The following ATP2B2 variants were observed in gnomAD, a reference collection of about 807,000 sequenced individuals.
The protein encoded by ATP2B2 is plasma membrane calcium-transporting ATPase 2.
In ATP2B2, 15 loss-of-function variants were observed where a neutral mutation model predicts 120.0. The ratio of observed to expected loss-of-function variants is 0.12; its 90% confidence interval spans 0.08 to 0.19. ATP2B2 has a LOEUF of 0.19. Among genes scored for constraint, ATP2B2 ranks in the 10% least tolerant of loss-of-function variants. The pLI is 1.00. For missense variants in ATP2B2, 1,045 were observed against 1,719.8 expected, an observed-to-expected ratio of 0.61 and a Z score of 6.94; for synonymous variants, 694 against 700.3, an observed-to-expected ratio of 0.99 and a Z score of 0.14.
At chr3:10,338,111 A>C (rs1035952487) in intron 22 of ATP2B2, 65 bp downstream of exon 22, 12 of 1,601,274 alleles carry the variant, frequency 7.5e-6, no homozygotes, top group Non-Finnish European at 1.0e-5. Flanking sequence ...GCACAAGCAC[A>C]CTCACCTCCA....
At chr3:10,564,628 T>C (rs1294264828) in intron 2 of ATP2B2, among the ~76,000 whole-genome samples, 1 of 152,208 alleles carries the variant, frequency 6.6e-6, no homozygotes, top group Admixed American at 6.5e-5. Flanking sequence ...CCACTGTGAA[T>C]TGATTTTGTG....
intron 3 of ATP2B2, among the ~76,000 whole-genome samples, chr3:10,523,740 G>T (rs1057233783): frequency 6.6e-6 from 1 of 152,060 alleles, no homozygotes; most frequent in Non-Finnish European, 1.5e-5. Flanking sequence ...CCTGGATGTG[G>T]CTGGTAGCAG....
chr3:10,382,169 A>C (rs954032549), intron 8 of ATP2B2, among the ~76,000 whole-genome samples: 4 of 145,712 alleles, frequency 2.7e-5, no homozygotes, highest in African/African-American at 1.0e-4. Context: ...GGGAATATAG[A>C]TGTGTGCCAC....
intron 12 of ATP2B2, among the ~76,000 whole-genome samples, chr3:10,363,748 G>A (rs2060966479): frequency 6.6e-6 from 1 of 152,192 alleles, no homozygotes; most frequent in Non-Finnish European, 1.5e-5. Context: ...TGAGGATGTG[G>A]AGAAACAGGA....
At chr3:10,620,528 G>T (rs1386615840) in intron 1 of ATP2B2, among the ~76,000 whole-genome samples, 3 of 152,088 alleles carry the variant, frequency 2.0e-5, no homozygotes, top group African/African-American at 7.2e-5. Context: ...CTGGAAGGAC[G>T]GTGCAGCTCC....
chr3:10,397,824 C>T (rs1319639431), intron 5 of ATP2B2, among the ~76,000 whole-genome samples: 4 of 152,162 alleles, frequency 2.6e-5, no homozygotes, highest in South Asian at 2.1e-4. Flanking sequence ...CATAGACAGT[C>T]GGTGACGGGG....
At position 10,634,290 on chromosome 3, in the gene ATP2B2, G is replaced by A. The variant is rs142683477; in HGVS notation, c.-459-14329C>T. 3.0e-3 allele frequency among the ~76,000 whole-genome samples: 461 copies of A among 152,342 alleles called. 1 individual carries two copies. Among genetic ancestry groups the A allele is most frequent in the African/African-American group, 9.0e-3 (375 of 41,580 alleles). ...TCTGAGGCTACGTGACTTGTTTACG[G>A]CAATCTCACTGTCAGTTGGTGGCAG... On this transcript the variant is annotated intron_variant, in intron 1 of 21. Coordinates refer to the ATP2B2 transcript ENST00000646379.
intron 1 of ATP2B2, among the ~76,000 whole-genome samples, chr3:10,482,327 C>T (rs1443320795): frequency 1.3e-5 from 2 of 152,224 alleles, no homozygotes; most frequent in Admixed American, 1.3e-4. Flanking sequence ...CACTGGCACC[C>T]AGCTCTACCA....
At chr3:10,674,828 A>C (rs2071203114) in intron 1 of ATP2B2, among the ~76,000 whole-genome samples, 1 of 152,222 alleles carries the variant, frequency 6.6e-6, no homozygotes, top group African/African-American at 2.4e-5. Flanking sequence ...CATCCCAGCC[A>C]GGAAAGTCAA....
intron 1 of ATP2B2, among the ~76,000 whole-genome samples, chr3:10,685,896 A>C (rs999273604): frequency 6.6e-6 from 1 of 152,172 alleles, no homozygotes; most frequent in Non-Finnish European, 1.5e-5. Context: ...TTTACGTGAC[A>C]TCTGTGACCA....
chr3:10,449,971 C>T, intron 1 of ATP2B2, 109 bp from the exon 2 acceptor site: 1 of 322,578 alleles, frequency 3.1e-6, no homozygotes, highest in Non-Finnish European at 6.1e-6. Context: ...ACAACACTGA[C>T]TACACCCATG....
chr3:10,703,750 C>A (rs1292264392), intron 1 of ATP2B2, among the ~76,000 whole-genome samples: 1 of 152,240 alleles, frequency 6.6e-6, no homozygotes, highest in African/African-American at 2.4e-5. Flanking sequence ...GCCTTGCTAA[C>A]CCTGGAGGGG....
intron 2 of ATP2B2, among the ~76,000 whole-genome samples, chr3:10,425,620 C>T (rs567437901): frequency 6.6e-6 from 1 of 152,270 alleles, no homozygotes; most frequent in East Asian, 1.9e-4. Flanking sequence ...ATGTGTACCC[C>T]CATCATCTCT....
intron 1 of ATP2B2, among the ~76,000 whole-genome samples, chr3:10,502,290 G>C (rs559967413): frequency 6.6e-6 from 1 of 152,330 alleles, no homozygotes; most frequent in Non-Finnish European, 1.5e-5. Context: ...GGGCTCTCTG[G>C]CAGCTGTGGC....
At chr3:10,542,412 T>C (rs1286860795) in intron 2 of ATP2B2, among the ~76,000 whole-genome samples, 1 of 152,208 alleles carries the variant, frequency 6.6e-6, no homozygotes, top group Non-Finnish European at 1.5e-5. Context: ...TTTATTGCAT[T>C]TACCCATATT....
chr3:10,599,522 G>A (rs767533890), intron 2 of ATP2B2, among the ~76,000 whole-genome samples: 9 of 152,030 alleles, frequency 5.9e-5, no homozygotes, highest in Non-Finnish European at 1.2e-4. Context: ...CAGGCATGGC[G>A]CCAGCTTCAT....
chr3:10,413,448 G>A (rs932993181), intron 2 of ATP2B2, among the ~76,000 whole-genome samples: 3 of 152,230 alleles, frequency 2.0e-5, no homozygotes, highest in Non-Finnish European at 4.4e-5. Context: ...CAGTGAGAAC[G>A]AATGAACCCA....
intron 2 of ATP2B2, among the ~76,000 whole-genome samples, chr3:10,557,406 G>C (rs1246553976): frequency 1.3e-5 from 2 of 152,262 alleles, no homozygotes; most frequent in African/African-American, 4.8e-5. Context: ...CCTGGACGAA[G>C]CTAGATTCCC....
intron 2 of ATP2B2, among the ~76,000 whole-genome samples, chr3:10,539,731 T>C (rs2067392626): frequency 6.6e-6 from 1 of 152,180 alleles, no homozygotes; most frequent in Non-Finnish European, 1.5e-5. Flanking sequence ...TTGGATTAAA[T>C]ACTTAAATGT....
Sources: allele counts gnomAD v4.1 joint callset (sites outside exome capture counted in the v4.1 genomes callset), GRCh38; gene constraint gnomAD v4.1.1; transcripts MANE v1.5; gene names NCBI Gene and HGNC (gene_info 2026-07-23, HGNC 2026-07-21).